The following ADAMTSL1 variants were observed in gnomAD, a reference collection of about 807,000 sequenced individuals.
ADAMTSL1 encodes the protein ADAMTS like 1.
ADAMTSL1 carries 126 observed loss-of-function variants against 201.8 expected under a neutral mutation model. The observed-to-expected ratio is 0.62, with a 90% CI of 0.54 to 0.72. The LOEUF (loss-of-function observed/expected upper bound fraction) is 0.72. Among genes scored for constraint, ADAMTSL1 ranks in the 30% least tolerant of loss-of-function variants. ADAMTSL1 has a pLI of 0.00. For synonymous variants in ADAMTSL1, 1,121 were observed against 903.4 expected, an observed-to-expected ratio of 1.24 and a Z score of -4.32; for missense variants, 2,679 against 2,277.8, an observed-to-expected ratio of 1.18 and a Z score of -3.59.
intron 26 of ADAMTSL1, among the ~76,000 whole-genome samples, chr9:18,901,983 A>G (rs1830040242): frequency 6.6e-6 from 1 of 152,220 alleles, no homozygotes; most frequent in African/African-American, 2.4e-5. Context: ...CCATGTAAAT[A>G]AAAACCAAAA....
chr9:18,360,123 A>G (rs1016248887), intron 2 of ADAMTSL1, among the ~76,000 whole-genome samples: 5 of 151,982 alleles, frequency 3.3e-5, no homozygotes, highest in African/African-American at 1.2e-4. Flanking sequence ...GGTCCTGCCT[A>G]TTTACAGAAG....
chr9:18,267,187 C>T (rs2585578), intron 2 of ADAMTSL1, among the ~76,000 whole-genome samples: 16,188 of 152,130 alleles, frequency 0.11, 1,279 homozygotes, highest in African/African-American at 0.22. Flanking sequence ...GAATCATGTC[C>T]GGACTCCCAA....
intron 1 of ADAMTSL1, among the ~76,000 whole-genome samples, chr9:17,919,576 G>A (rs1324409690): frequency 6.6e-6 from 1 of 151,898 alleles, no homozygotes; most frequent in Non-Finnish European, 1.5e-5. Flanking sequence ...TATAATATGT[G>A]GACTTTTGTG....
At chr9:18,049,968 C>G (rs572785966) in intron 1 of ADAMTSL1, among the ~76,000 whole-genome samples, 9 of 152,264 alleles carry the variant, frequency 5.9e-5, no homozygotes, top group Non-Finnish European at 8.8e-5. Flanking sequence ...TTTTGTAACA[C>G]ATTTATTTGA....
chr9:18,035,887 C>T (rs947901956), intron 1 of ADAMTSL1, among the ~76,000 whole-genome samples: 5 of 152,116 alleles, frequency 3.3e-5, no homozygotes, highest in Admixed American at 6.5e-5. Flanking sequence ...TAATTTTTGT[C>T]ATGCCCTATA....
rs538682402 is a variant in ADAMTSL1, at chr9:17,995,427, G to A, written c.87+88505G>A. On this transcript the variant is annotated intron_variant, in intron 1 of 29. Transcript: ENST00000680146. ...AAGAAGGGCAACTAGTGAAATGCAA[G>A]GCAAGTAGCTTGAAGTAAAGTTATA... 3.3e-5 allele frequency among the ~76,000 whole-genome samples: 5 copies of A among 152,236 alleles called. No individual in the cohort carries two copies. The South Asian group carries it at 8.3e-4, about 25-fold the overall frequency.
intron 2 of ADAMTSL1, among the ~76,000 whole-genome samples, chr9:18,167,256 A>G (rs542056552): frequency 1.7e-4 from 26 of 152,126 alleles, no homozygotes; most frequent in African/African-American, 5.8e-4. Flanking sequence ...TCAGTATGTA[A>G]TTAGTGTACA....
chr9:18,031,721 C>G (rs1406175978), intron 1 of ADAMTSL1, among the ~76,000 whole-genome samples: 1 of 152,150 alleles, frequency 6.6e-6, no homozygotes, highest in Non-Finnish European at 1.5e-5. Context: ...TTCCTTAGTC[C>G]CATGGGGGAC....
intron 1 of ADAMTSL1, among the ~76,000 whole-genome samples, chr9:18,157,169 T>C (rs560698158): frequency 4.9e-4 from 74 of 152,180 alleles, no homozygotes; most frequent in Middle Eastern, 3.4e-3. Context: ...ATAGCTTGTT[T>C]ATAGATCAAT....
chr9:18,349,506 A>G (rs933198361), intron 2 of ADAMTSL1, among the ~76,000 whole-genome samples: 12 of 152,152 alleles, frequency 7.9e-5, no homozygotes, highest in African/African-American at 2.4e-4. Flanking sequence ...CTATTTTATT[A>G]AAAGAATATG....
intron 2 of ADAMTSL1, among the ~76,000 whole-genome samples, chr9:18,355,213 C>A (rs1360573646): frequency 6.6e-6 from 1 of 152,086 alleles, no homozygotes; most frequent in Non-Finnish European, 1.5e-5. Context: ...CTTTCTCAGG[C>A]AGTACTATAA....
chr9:18,879,383 A>AT (rs1588294076), intron 23 of ADAMTSL1, among the ~76,000 whole-genome samples: 1 of 152,148 alleles, frequency 6.6e-6, no homozygotes, highest in Non-Finnish European at 1.5e-5. Flanking sequence ...CAACACCAGG[A>AT]TTTTTTTAAA....
chr9:18,064,174 G>A (rs1822589430), intron 1 of ADAMTSL1, among the ~76,000 whole-genome samples: 1 of 152,182 alleles, frequency 6.6e-6, no homozygotes, highest in Non-Finnish European at 1.5e-5. Context: ...CCCCCTGGGA[G>A]TGTGCAGCTG....
chr9:18,713,844 G>T (rs201682177), intron 14 of ADAMTSL1, among the ~76,000 whole-genome samples: 29,916 of 134,960 alleles, frequency 0.22, 3,534 homozygotes, highest in Middle Eastern at 0.29. Context: ...ACCACATACT[G>T]GGAAGTAAAG....
At chr9:18,699,288 T>C (rs969582805) in intron 13 of ADAMTSL1, among the ~76,000 whole-genome samples, 1 of 151,856 alleles carries the variant, frequency 6.6e-6, no homozygotes, top group Non-Finnish European at 1.5e-5. Context: ...CCTGTAAATA[T>C]AGCTTTTCCA....
At chr9:18,267,281 A>G (rs944650633) in intron 2 of ADAMTSL1, among the ~76,000 whole-genome samples, 5 of 152,138 alleles carry the variant, frequency 3.3e-5, no homozygotes, top group African/African-American at 9.7e-5. Context: ...ACTTCATAGT[A>G]TGAGTATCAG....
intron 2 of ADAMTSL1, among the ~76,000 whole-genome samples, chr9:18,260,826 T>G (rs764438082): frequency 9.2e-5 from 14 of 152,164 alleles, no homozygotes; most frequent in Non-Finnish European, 1.6e-4. Context: ...AAAACTGTAA[T>G]GCTTTGCTTG....
intron 2 of ADAMTSL1, among the ~76,000 whole-genome samples, chr9:18,172,399 A>T (rs536622447): frequency 6.6e-6 from 1 of 152,138 alleles, no homozygotes; most frequent in Non-Finnish European, 1.5e-5. Flanking sequence ...CTTACTCATC[A>T]TAAGGGATTT....
At chr9:18,802,958 T>C (rs1270738358) in intron 20 of ADAMTSL1, among the ~76,000 whole-genome samples, 1 of 152,240 alleles carries the variant, frequency 6.6e-6, no homozygotes, top group Non-Finnish European at 1.5e-5. Flanking sequence ...TATTGACTAA[T>C]GATGTCAGGC....
Sources: gnomAD v4.1 joint callset for allele counts (sites outside exome capture counted in the v4.1 genomes callset) on GRCh38, gnomAD v4.1.1 for gene constraint, MANE v1.5 for transcripts, NCBI Gene and HGNC (gene_info 2026-07-23, HGNC 2026-07-21) for gene names.